Variants in PHOSPHO1 observed in about 807,000 individuals in gnomAD.
PHOSPHO1 encodes phosphoethanolamine/phosphocholine phosphatase.
A neutral mutation model predicts 17.7 loss-of-function variants in PHOSPHO1; 6 were observed. The ratio of observed to expected loss-of-function variants is 0.34; its 90% CI spans 0.19 to 0.67. The LOEUF (loss-of-function observed/expected upper bound fraction) is 0.67. Ranked by LOEUF, PHOSPHO1 falls within the 30% of genes least tolerant of loss-of-function variation. The pLI, the probability that PHOSPHO1 is intolerant of heterozygous loss-of-function variation, is 0.69. For synonymous variants in PHOSPHO1, 159 were observed against 174.6 expected (o/e 0.91, Z 0.71); for missense variants, 330 against 392.1 (o/e 0.84, Z 1.34).
chr17:49,226,095 G>A (rs1282157627), intron 2 of PHOSPHO1, among the ~76,000 whole-genome samples: 2 of 152,022 alleles, frequency 1.3e-5, no homozygotes, highest in Admixed American at 6.6e-5. Flanking sequence ...AAGAGCCCTT[G>A]GCAGCAAGTT....
chr17:49,226,912 A>C (rs1015392269), intron 1 of PHOSPHO1, among the ~76,000 whole-genome samples, 154 bp from the exon 2 acceptor site: 3 of 152,118 alleles, frequency 2.0e-5, no homozygotes, highest in Non-Finnish European at 4.4e-5. Flanking sequence ...AGTGCCTACA[A>C]CTCTAGAGAG....
In PHOSPHO1 at chr17:49,224,578, G is replaced by A. The variant is rs2043329188; in HGVS notation, c.472C>T (p.Leu158=). The change falls in exon 3 of 3, where the codon CTG becomes TTG. Residue 158 remains leucine (L), a synonymous_variant. Transcript: ENST00000310544. ...NPSGPDARGL[L]ALRPFHTHSC... ...TGTGTGTGGAACGGCCGCAGAGCCA[G>A]CAGTCCCCGCGCATCCGGCCCCGAC... 6.4e-7 allele frequency: 1 copy of A among 1,563,256 alleles called. No individual in the cohort carries two copies. Among genetic ancestry groups the A allele is most frequent in the Non-Finnish European group, 8.6e-7 (1 of 1,159,920 alleles).
chr17:49,228,722 G>A (rs850528), intron 1 of PHOSPHO1, among the ~76,000 whole-genome samples: 16,151 of 149,684 alleles, frequency 0.11, 907 homozygotes, highest in African/African-American at 0.14. Flanking sequence ...CCCGGGAGGC[G>A]GAACTTGCAG....
chr17:49,224,350 C>G lies in PHOSPHO1; in HGVS notation c.700G>C (p.Glu234Gln). ...GAGCTGGGCTCGGCCTTCTGGGCCT[C>G]CTGAATGAGGCGGTGCATGGGGTAG... ...RGYPMHRLIQ[E>Q]AQKAEPSSFR... Residue 234 changes from glutamate to glutamine, a missense_variant, in exon 3 of 3, where the codon GAG becomes CAG. Coordinates refer to ENST00000310544, the MANE Select transcript of PHOSPHO1 (RefSeq NM_178500.4). The G allele has an allele frequency of 1.3e-6, 2 of 1,574,036 alleles. No homozygotes were observed. Among genetic ancestry groups the G allele is most frequent in the South Asian group, 2.3e-5 (2 of 87,134 alleles).
chr17:49,224,915 C>A lies in PHOSPHO1; in HGVS notation c.135G>T (p.Ser45=). The change falls in exon 3 of 3, where the codon TCG becomes TCT. Residue 45 remains serine, a synonymous_variant. Transcript: ENST00000310544. ...ETIVDENSDD[S]IVRAAPGQRL... ...GCTGGCCCGGCGCGGCGCGCACGAT[C>A]GAATCGTCGCTGTTTTCGTCCACGA... The A allele has an allele frequency of 6.3e-7, 1 of 1,597,896 alleles. No homozygotes were observed. Among genetic ancestry groups the A allele is most frequent in the Non-Finnish European group, 8.5e-7 (1 of 1,173,470 alleles).
rs2043335219 is a variant in PHOSPHO1, at chr17:49,224,926, T to C, written c.124A>G (p.Ser42Gly). The change falls in exon 3 of 3, where the codon AGC becomes GGC. Residue 42 changes from serine (S) to glycine (G), a missense_variant. Physicochemically the swap from Ser to Gly is moderately conservative, Grantham distance 56. Transcript: ENST00000310544. ...DFDETIVDEN[S>G]DDSIVRAAPG... is the part of the protein sequence containing the mutation. The stretch of plus-strand genomic sequence containing the variant: ...GCGGCGCGCACGATCGAATCGTCGC[T>C]GTTTTCGTCCACGATAGTCTCGTCG... The C allele has an allele frequency of 1.3e-6, 2 of 1,595,632 alleles. No individual in the cohort carries two copies. Among genetic ancestry groups the C allele is most frequent in the Non-Finnish European group, 1.7e-6 (2 of 1,172,500 alleles).
At chr17:49,227,897 G>A (rs936205847) in intron 1 of PHOSPHO1, among the ~76,000 whole-genome samples, 1 of 152,164 alleles carries the variant, frequency 6.6e-6, no homozygotes, top group African/African-American at 2.4e-5. Context: ...TGGGCAAAGA[G>A]AGGGTGAGGG....
At chr17:49,225,357 G>T in intron 2 of PHOSPHO1, 2 of 985,464 alleles carry the variant, frequency 2.0e-6, no homozygotes, top group Non-Finnish European at 2.4e-6. Flanking sequence ...CCACTTTGGG[G>T]AGGTTTCTGG....
intron 2 of PHOSPHO1, chr17:49,225,764 A>AG (rs1278850428): frequency 7.9e-7 from 1 of 1,269,750 alleles, no homozygotes; most frequent in East Asian, 5.6e-5. Flanking sequence ...CTCCCGCACC[A>AG]GGCCATGACA....
chr17:49,225,079 C>T (rs774767020), intron 2 of PHOSPHO1, 75 bp from the exon 3 acceptor site: 17 of 1,444,456 alleles, frequency 1.2e-5, no homozygotes, highest in South Asian at 4.4e-5. Flanking sequence ...AGGAGCCCGC[C>T]CGGGAGAGGC....
chr17:49,223,933 C>A lies in PHOSPHO1; in HGVS notation c.*313G>T, dbSNP rs949473158. On this transcript the variant is annotated 3_prime_UTR_variant, in exon 3 of 3. Transcript: ENST00000310544. ...TTCCTTCTCTCACCTGCCGGGGGGGCCCCTTCCTCCCAGTTGGGAGGACCA... is the reference window on the plus strand; with the variant it reads ...TTCCTTCTCTCACCTGCCGGGGGGGACCCTTCCTCCCAGTTGGGAGGACCA... 3.4e-6 allele frequency: 1 copy of A among 295,946 alleles called. No individual in the cohort carries two copies. 18.3% of individuals were successfully genotyped at this position (295,946 alleles called of 1,614,324 possible). A position where few individuals can be genotyped will look rare whatever the true frequency, so the allele number is the denominator to read the frequency against.
At position 49,224,999 on chromosome 17, in the gene PHOSPHO1, G is replaced by C. The variant is rs1367689274; in HGVS notation, c.51C>G (p.Gly17=). 2 of 1,524,772 alleles carry C rather than the reference G, an allele frequency of 1.3e-6. No homozygotes were observed. Among genetic ancestry groups the C allele is most frequent in the Admixed American group, 2.0e-5 (1 of 49,870 alleles). 94.5% of individuals were successfully genotyped at this position (1,524,772 alleles called of 1,614,324 possible). The stretch of plus-strand genomic sequence containing the variant: ...GCGGCGCGCCCTGCGCGGCCATCCT[G>C]CCGTCCTGGGAGCAGGGGGGAGAGC... ...VSGLRCLSRD[G]RMAAQGAPRF... is the part of the protein sequence containing the mutation. The change falls in exon 3 of 3, where the codon GGC becomes GGG. Residue 17 remains glycine (G), a synonymous_variant. Coordinates refer to ENST00000310544, the MANE Select transcript of PHOSPHO1 (RefSeq NM_178500.4).
At chr17:49,225,894 C>T in intron 2 of PHOSPHO1, 1 of 1,151,192 alleles carries the variant, frequency 8.7e-7, no homozygotes. Flanking sequence ...GAGAGGAGGT[C>T]ATTCTAGGGG....
At chr17:49,225,735 G>A in intron 2 of PHOSPHO1, 4 of 1,285,692 alleles carry the variant, frequency 3.1e-6, no homozygotes, top group Non-Finnish European at 4.1e-6. Context: ...GAAGCAGTGG[G>A]GCTTGGGGAG....
At chr17:49,227,332 C>G (rs2043367482) in intron 1 of PHOSPHO1, among the ~76,000 whole-genome samples, 1 of 152,204 alleles carries the variant, frequency 6.6e-6, no homozygotes, top group African/African-American at 2.4e-5. Context: ...AATGGCCTCC[C>G]TGTTGCTCTC....
intron 1 of PHOSPHO1, among the ~76,000 whole-genome samples, chr17:49,228,721 C>T (rs946404102): frequency 1.1e-4 from 15 of 142,740 alleles, no homozygotes; most frequent in Non-Finnish European, 1.9e-4. Context: ...ACCCGGGAGG[C>T]GGAACTTGCA....
chr17:49,225,186 C>G (rs2043340648), intron 2 of PHOSPHO1, 182 bp from the exon 3 acceptor site: 3 of 1,430,114 alleles, frequency 2.1e-6, no homozygotes, highest in South Asian at 3.1e-5. Context: ...GCCACCACCT[C>G]TATCCCCAGC....
rs2043320476 is a variant in PHOSPHO1 at position 49,223,871 on chromosome 17, C to G, written c.*375G>C. 5.1e-6 allele frequency: 1 copy of G among 196,750 alleles called. No homozygotes were observed. Among genetic ancestry groups the G allele is most frequent in the Admixed American group, 5.7e-5 (1 of 17,480 alleles). The allele number at this position is 196,750 out of a possible 1,614,324, so 12.2% of individuals were successfully genotyped here. A position where few individuals can be genotyped will look rare whatever the true frequency, so the allele number is the denominator to read the frequency against. The stretch of plus-strand genomic sequence containing the variant: ...CAGTAGACTGGAGGAGGGGCGGTCA[C>G]GCAGCCCGAGGCAACAAGTTACAGC... On this transcript the variant is annotated 3_prime_UTR_variant, in exon 3 of 3. Transcript: ENST00000310544.
chr17:49,228,283 TC>T (rs2043377724), intron 1 of PHOSPHO1, among the ~76,000 whole-genome samples: 1 of 74,826 alleles, frequency 1.3e-5, no homozygotes, highest in African/African-American at 5.7e-5. Context: ...CTTCCTTCCT[TC>T]CTTCCTTCCT....
Sources: allele counts gnomAD v4.1 joint callset (sites outside exome capture counted in the v4.1 genomes callset), GRCh38; gene constraint gnomAD v4.1.1; transcripts MANE v1.5; gene names NCBI Gene and HGNC (gene_info 2026-07-23, HGNC 2026-07-21).